Variants in TRIM2 observed in about 807,000 individuals in gnomAD.
The protein encoded by TRIM2 is tripartite motif-containing protein 2.
TRIM2 carries 20 observed loss-of-function variants against 75.2 expected under a neutral mutation model. That is an observed-to-expected ratio of 0.27 (90% CI 0.19 to 0.39). The LOEUF is 0.39. TRIM2 is among the 10% of genes least tolerant of loss of function. The pLI is 1.00. For synonymous variants in TRIM2, 373 were observed against 388.3 expected, an observed-to-expected ratio of 0.96 and a Z score of 0.46; for missense variants, 660 against 990.8, an observed-to-expected ratio of 0.67 and a Z score of 4.48.
intron 3 of TRIM2, among the ~76,000 whole-genome samples, chr4:153,285,369 G>A (rs1760368731): frequency 6.6e-6 from 1 of 152,082 alleles, no homozygotes; most frequent in South Asian, 2.1e-4. Context: ...TGGTAACTAT[G>A]AGTCCTCCAA....
At chr4:153,262,110 CAT>C (rs1356141850) in intron 1 of TRIM2, among the ~76,000 whole-genome samples, 39 of 152,312 alleles carry the variant, frequency 2.6e-4, no homozygotes, top group African/African-American at 7.7e-4. Context: ...TATTTTCATG[CAT>C]ATGTGTCTGT....
In TRIM2 at chr4:153,335,074, T is replaced by C. The variant is rs566268683; in HGVS notation, c.*108T>C. ...AGAGTTTTTATGCCAGAAGGAATCA[T>C]TGGTGAACTTTCCAAGGTTATTTCT... is the stretch of plus-strand genomic sequence containing the variant. On this transcript the variant is annotated 3_prime_UTR_variant, in exon 12 of 12. Transcript: ENST00000338700. 40 of 1,338,728 alleles carry C rather than the reference T, an allele frequency of 3.0e-5. No individual in the cohort carries two copies. Among genetic ancestry groups the C allele is most frequent in the African/African-American group, 8.8e-5 (6 of 67,892 alleles). The allele number at this position is 1,338,728 out of a possible 1,614,324, so 82.9% of individuals were successfully genotyped here.
chr4:153,267,483 T>C (rs1457137108), intron 1 of TRIM2, among the ~76,000 whole-genome samples: 1 of 109,038 alleles, frequency 9.2e-6, no homozygotes, highest in Non-Finnish European at 1.9e-5. Context: ...AAACCCCATC[T>C]CTACTAAAAA....
chr4:153,153,991 A>G (rs986862648), intron 1 of TRIM2, among the ~76,000 whole-genome samples: 1 of 151,922 alleles, frequency 6.6e-6, no homozygotes, highest in Non-Finnish European at 1.5e-5. Context: ...TTTTTTCCTT[A>G]CTATAGATTG....
At chr4:153,235,093 G>A (rs1018242540) in intron 1 of TRIM2, among the ~76,000 whole-genome samples, 1 of 151,564 alleles carries the variant, frequency 6.6e-6, no homozygotes, top group Admixed American at 6.6e-5. Flanking sequence ...CCACTTTTTT[G>A]TTGTATGACT....
intron 1 of TRIM2, among the ~76,000 whole-genome samples, chr4:153,168,320 ATTGTT>A (rs1214482477): frequency 6.6e-5 from 10 of 152,158 alleles, no homozygotes; most frequent in African/African-American, 1.4e-4. Context: ...AATTACATAA[ATTGTT>A]TTGTTTTAAT....
At chr4:153,304,740 C>T (rs1042009640) in intron 6 of TRIM2, among the ~76,000 whole-genome samples, 1 of 152,194 alleles carries the variant, frequency 6.6e-6, no homozygotes, top group African/African-American at 2.4e-5. Flanking sequence ...TTCCAAACTG[C>T]TCTTACAGAA....
At chr4:153,316,473 A>G (rs1247621249) in intron 8 of TRIM2, among the ~76,000 whole-genome samples, 2 of 152,234 alleles carry the variant, frequency 1.3e-5, no homozygotes, top group Non-Finnish European at 2.9e-5. Flanking sequence ...CATTTTGGAA[A>G]AAAGACTCAA....
intron 2 of TRIM2, among the ~76,000 whole-genome samples, chr4:153,273,366 C>G (rs916948819): frequency 2.7e-5 from 4 of 146,836 alleles, no homozygotes; most frequent in Admixed American, 1.3e-4. Flanking sequence ...AGCTCCACCT[C>G]CCGGGTTCAC....
upstream of TRIM2, among the ~76,000 whole-genome samples, chr4:153,200,467 C>T (rs572630854): frequency 6.6e-6 from 1 of 152,194 alleles, no homozygotes; most frequent in East Asian, 1.9e-4. Context: ...CATCCTTTAG[C>T]TATTGTGAAT....
chr4:153,221,808 A>AAGGGAGGG (rs147852477), intron 1 of TRIM2, among the ~76,000 whole-genome samples: 17 of 100,078 alleles, frequency 1.7e-4, no homozygotes, highest in East Asian at 3.8e-4. Flanking sequence ...GCGAGGAAGG[A>AAGGGAGGG]AGGGAGGGAG....
intron 6 of TRIM2, among the ~76,000 whole-genome samples, chr4:153,311,933 A>T (rs1354821241): frequency 9.1e-6 from 1 of 110,328 alleles, no homozygotes; most frequent in African/African-American, 3.3e-5. Context: ...TTATTATTAT[A>T]CTTTAAGTTT....
Position 153,337,810 on chromosome 4 carries a change from C to G in TRIM2, c.*2844C>G. On this transcript the variant is annotated 3_prime_UTR_variant, in exon 12 of 12. Coordinates refer to ENST00000338700, the MANE Select transcript of TRIM2 (RefSeq NM_015271.5). ...CATGATAAGTAGCACTGAAAAATTA[C>G]TCATTCAAATTTCCCCTGGGCACGT... is the stretch of plus-strand genomic sequence containing the variant. 7 of 985,796 alleles carry G rather than the reference C, an allele frequency of 7.1e-6. No individual in the cohort carries two copies. The highest frequency in any genetic ancestry group is 8.4e-6 in the Non-Finnish European group (7 of 829,924). The allele number at this position is 985,796 out of a possible 1,614,324, so 61.1% of individuals were successfully genotyped here.
chr4:153,273,655 G>A (rs886667492), intron 2 of TRIM2, among the ~76,000 whole-genome samples: 20 of 152,166 alleles, frequency 1.3e-4, no homozygotes, highest in African/African-American at 4.8e-4. Context: ...GGAGAGCAAA[G>A]CCAGACATAG....
chr4:153,177,766 C>T (rs1731620252), intron 1 of TRIM2, among the ~76,000 whole-genome samples: 1 of 136,608 alleles, frequency 7.3e-6, no homozygotes, highest in African/African-American at 2.7e-5. Flanking sequence ...TCCCTCCCAT[C>T]CTCCCTCCTT....
chr4:153,266,413 G>C (rs1408011159), intron 1 of TRIM2, among the ~76,000 whole-genome samples: 1 of 148,912 alleles, frequency 6.7e-6, no homozygotes, highest in East Asian at 1.9e-4. Flanking sequence ...CGTGATCTCG[G>C]CTCACTGCAA....
chr4:153,169,605 G>A (rs1042079385), intron 1 of TRIM2, among the ~76,000 whole-genome samples: 1 of 151,920 alleles, frequency 6.6e-6, no homozygotes, highest in Admixed American at 6.6e-5. Flanking sequence ...TGTGTATATT[G>A]TATATATGAA....
intron 1 of TRIM2, among the ~76,000 whole-genome samples, chr4:153,154,263 G>T (rs890876185): frequency 6.6e-6 from 1 of 152,228 alleles, no homozygotes; most frequent in Non-Finnish European, 1.5e-5. Flanking sequence ...CGGACCTGAA[G>T]TCTAACTACT....
upstream of TRIM2, among the ~76,000 whole-genome samples, chr4:153,201,225 A>G (rs1734332876): frequency 6.6e-6 from 1 of 152,164 alleles, no homozygotes; most frequent in African/African-American, 2.4e-5. Context: ...CGGCCTCCCA[A>G]AGTGCTGGGA....
Sources: allele counts gnomAD v4.1 joint callset (sites outside exome capture counted in the v4.1 genomes callset), GRCh38; gene constraint gnomAD v4.1.1; transcripts MANE v1.5; gene names NCBI Gene and HGNC (gene_info 2026-07-23, HGNC 2026-07-21).